HPSE2: variants seen among roughly 807,000 people sequenced by gnomAD.
The protein encoded by HPSE2 is heparanase 2 (inactive).
A neutral mutation model predicts 60.5 loss-of-function variants in HPSE2; 38 were observed. The ratio of observed to expected loss-of-function variants is 0.63; its 90% CI spans 0.48 to 0.82. HPSE2 has a LOEUF of 0.82. HPSE2 is among the 40% of genes least tolerant of loss of function. HPSE2 has a pLI of 0.00. For synonymous variants in HPSE2, 295 were observed against 293.2 expected (o/e 1.01, Z -0.06); for missense variants, 713 against 740.4 (o/e 0.96, Z 0.43).
intron 6 of HPSE2, among the ~76,000 whole-genome samples, chr10:98,665,495 C>G (rs1004840935): frequency 6.6e-6 from 1 of 152,112 alleles, no homozygotes; most frequent in Non-Finnish European, 1.5e-5. Flanking sequence ...TCAGATTCAC[C>G]ATGGTAAATG....
chr10:99,130,872 C>T (rs1243287158), intron 3 of HPSE2, among the ~76,000 whole-genome samples: 1 of 152,088 alleles, frequency 6.6e-6, no homozygotes, highest in Non-Finnish European at 1.5e-5. Context: ...AGTCAGCTTG[C>T]ACAAGTTAAG....
In HPSE2 at chr10:99,162,838, T is replaced by C. The variant is rs576133914; in HGVS notation, c.449-18439A>G. Among the ~76,000 whole-genome samples the C allele has an allele frequency of 2.6e-5, 4 of 152,306 alleles. No homozygotes were observed. The East Asian group carries it at 7.7e-4, about 29-fold the overall frequency. On this transcript the variant is annotated intron_variant, in intron 2 of 11. Transcript: ENST00000370552. ...TAATACTATCTACTTCTTATCTGGA[T>C]AACTAAAACAGTCCAAAACAACATC...
intron 3 of HPSE2, among the ~76,000 whole-genome samples, chr10:98,984,229 C>G (rs2496709): frequency 6.6e-6 from 1 of 152,190 alleles, no homozygotes; most frequent in Non-Finnish European, 1.5e-5. Flanking sequence ...TAGCCTAAAT[C>G]GGAGGCACCC....
At chr10:98,986,402 TA>T (rs1956351264) in intron 3 of HPSE2, among the ~76,000 whole-genome samples, 1 of 150,784 alleles carries the variant, frequency 6.6e-6, no homozygotes, top group African/African-American at 2.4e-5. Flanking sequence ...ACTGGGTACA[TA>T]ACGAAATGAA....
At chr10:98,523,113 G>GT (rs1369512749) in intron 9 of HPSE2, among the ~76,000 whole-genome samples, 3 of 71,440 alleles carry the variant, frequency 4.2e-5, no homozygotes, top group African/African-American at 9.2e-5. Flanking sequence ...GTTTTGTTTT[G>GT]TTTGTTTGTT....
the HPSE2 span, among the ~76,000 whole-genome samples, chr10:99,305,979 G>GCGCACGCACACACACACACA: frequency 1.2e-5 from 1 of 80,586 alleles, no homozygotes; most frequent in African/African-American, 5.4e-5. Context: ...GCGCGCGCGC[G>GCGCACGCACACACACACACA]CACACACACA....
At chr10:98,612,688 TG>T (rs1310740132) in intron 9 of HPSE2, among the ~76,000 whole-genome samples, 1 of 152,224 alleles carries the variant, frequency 6.6e-6, no homozygotes, top group African/African-American at 2.4e-5. Context: ...TTCAGAGCAT[TG>T]TAGATGCCAT....
In HPSE2 at chr10:98,469,601, C is replaced by T. The variant is rs368999640; in HGVS notation, c.1614-9862G>A. Among the ~76,000 whole-genome samples, 21 of 152,292 alleles carry T rather than the reference C, an allele frequency of 1.4e-4. No homozygotes were observed. In the East Asian group the frequency reaches 3.7e-3, roughly 27 times the overall value. ...CCATATAAAGATATTACACAAAGAGCAGGAAGGGAGGAAAATCAGACTTAG... is the reference window on the plus strand; with the variant it reads ...CCATATAAAGATATTACACAAAGAGTAGGAAGGGAGGAAAATCAGACTTAG... On this transcript the variant is annotated intron_variant, in intron 11 of 11. Transcript: ENST00000370552.
At chr10:99,039,002 T>C (rs952653434) in intron 3 of HPSE2, among the ~76,000 whole-genome samples, 3 of 152,146 alleles carry the variant, frequency 2.0e-5, no homozygotes, top group Non-Finnish European at 2.9e-5. Flanking sequence ...ATGTCTTCAA[T>C]TGGCAGCAAC....
intron 3 of HPSE2, among the ~76,000 whole-genome samples, chr10:98,775,306 G>A (rs1018630121): frequency 6.6e-6 from 1 of 152,116 alleles, no homozygotes; most frequent in Non-Finnish European, 1.5e-5. Flanking sequence ...AGCACATTCT[G>A]GGATTGAACC....
At chr10:98,659,394 T>C (rs1947164779) in intron 6 of HPSE2, among the ~76,000 whole-genome samples, 1 of 152,246 alleles carries the variant, frequency 6.6e-6, no homozygotes, top group Non-Finnish European at 1.5e-5. Context: ...CTACATTGTT[T>C]AAGAGTCAAC....
chr10:99,086,990 G>A (rs1843344653), intron 3 of HPSE2, among the ~76,000 whole-genome samples: 1 of 152,174 alleles, frequency 6.6e-6, no homozygotes, highest in South Asian at 2.1e-4. Flanking sequence ...GGGATGAAAT[G>A]TAGCACTAGC....
In HPSE2 at chr10:98,670,776, T is replaced by G. The variant is rs1947485746; in HGVS notation, c.1004+23124A>C. Among the ~76,000 whole-genome samples, 4 of 152,326 alleles carry G rather than the reference T, an allele frequency of 2.6e-5. No individual in the cohort carries two copies. The South Asian group carries it at 8.3e-4, about 32-fold the overall frequency. On this transcript the variant is annotated intron_variant, in intron 6 of 11. Transcript: ENST00000370552. ...GCCCTGTTCTGTTTCTCTCTACCAG[T>G]GCATGAAACCCCTGTTACATATCCC... is the stretch of plus-strand genomic sequence containing the variant.
At chr10:99,043,750 C>T (rs536013582) in intron 3 of HPSE2, among the ~76,000 whole-genome samples, 14 of 151,918 alleles carry the variant, frequency 9.2e-5, no homozygotes, top group Non-Finnish European at 1.8e-4. Context: ...GTAGAATAGA[C>T]CAAACTGAGG....
At chr10:98,768,955 G>A (rs748249943) in intron 3 of HPSE2, among the ~76,000 whole-genome samples, 15 of 152,098 alleles carry the variant, frequency 9.9e-5, no homozygotes, top group East Asian at 5.8e-4. Context: ...ACCGAAGCAG[G>A]AGAATTGCTT....
At chr10:98,958,955 A>G (rs1699828790) in intron 3 of HPSE2, among the ~76,000 whole-genome samples, 1 of 152,114 alleles carries the variant, frequency 6.6e-6, no homozygotes, top group African/African-American at 2.4e-5. Flanking sequence ...GGCTAGTTCC[A>G]TAAGAGCCTC....
At chr10:99,274,854 A>G in the HPSE2 span, among the ~76,000 whole-genome samples, 1 of 152,260 alleles carries the variant, frequency 6.6e-6, no homozygotes, top group Non-Finnish European at 1.5e-5. Context: ...AAACCATACA[A>G]CATTCATCTG....
chr10:98,774,494 C>A (rs1052663011), intron 3 of HPSE2, among the ~76,000 whole-genome samples: 4 of 152,104 alleles, frequency 2.6e-5, no homozygotes, highest in African/African-American at 9.7e-5. Flanking sequence ...GTGGGAGAAA[C>A]CTAAGTCAGC....
At chr10:99,272,494 C>G in the HPSE2 span, among the ~76,000 whole-genome samples, 1 of 152,056 alleles carries the variant, frequency 6.6e-6, no homozygotes, top group South Asian at 2.1e-4. Flanking sequence ...AGACAGCCCA[C>G]AGAGTGGGAG....
Sources: allele counts gnomAD v4.1 joint callset (sites outside exome capture counted in the v4.1 genomes callset), GRCh38; gene constraint gnomAD v4.1.1; transcripts MANE v1.5; gene names NCBI Gene and HGNC (gene_info 2026-07-23, HGNC 2026-07-21).